The following ENO4 variants were observed in gnomAD, a reference collection of about 807,000 sequenced individuals.
ENO4 encodes the protein enolase 4.
ENO4 carries 53 observed loss-of-function variants against 63.2 expected under a neutral mutation model. The observed-to-expected ratio is 0.84, with a 90% CI of 0.67 to 1.05. The LOEUF (loss-of-function observed/expected upper bound fraction) is 1.05, where lower values mean the gene tolerates loss of function less well. ENO4 is among the 50% of genes least tolerant of loss of function. ENO4 has a pLI of 0.00. For missense variants in ENO4, 719 were observed against 772.0 expected, an observed-to-expected ratio of 0.93 and a Z score of 0.81; for synonymous variants, 266 against 283.8, an observed-to-expected ratio of 0.94 and a Z score of 0.63.
At chr10:116,873,959 A>G in intron 9 of ENO4, 117 bp from the exon 10 acceptor site, 1 of 1,339,110 alleles carries the variant, frequency 7.5e-7, no homozygotes, top group Non-Finnish European at 9.8e-7. Flanking sequence ...TGCCCTGAAA[A>G]GAACCTGTTT....
chr10:116,886,693 G>A (rs895547745), downstream of ENO4: 12 of 1,267,772 alleles, frequency 9.5e-6, no homozygotes, highest in East Asian at 2.8e-4. Flanking sequence ...GCATATAGTA[G>A]TCTTTGAGAT....
At chr10:116,894,455 G>C (rs1847443436) in intron 10 of ENO4, among the ~76,000 whole-genome samples, 1 of 152,180 alleles carries the variant, frequency 6.6e-6, no homozygotes, top group Non-Finnish European at 1.5e-5. Context: ...AAAAGAGCTT[G>C]ATAAAGCTTA....
chr10:116,869,959 G>T (rs1370235837), intron 8 of ENO4, among the ~76,000 whole-genome samples: 5 of 152,116 alleles, frequency 3.3e-5, no homozygotes, highest in Admixed American at 3.3e-4. Context: ...TATGTAATGT[G>T]CTTAGAACAG....
At chr10:116,908,268 C>T (rs1848051065) in intron 10 of ENO4, among the ~76,000 whole-genome samples, 1 of 152,102 alleles carries the variant, frequency 6.6e-6, no homozygotes, top group African/African-American at 2.4e-5. Context: ...TTAGAAGTAT[C>T]TCTTTTTATT....
Position 116,860,929 on chromosome 10 carries a change from T to C in ENO4, c.770T>C (p.Leu257Pro). 1.3e-6 allele frequency: 2 copies of C among 1,547,088 alleles called. No individual in the cohort carries two copies. The highest frequency in any genetic ancestry group is 1.7e-6 in the Non-Finnish European group (2 of 1,144,430). ...KACAMLLNKP[L>P]YLNIALLKHN... is the part of the protein sequence containing the mutation. ...TGTGCCATGCTGCTTAATAAACCTCTGTACTTAAATATCGCTCTACTGAAG... is the reference window on the plus strand; with the variant it reads ...TGTGCCATGCTGCTTAATAAACCTCCGTACTTAAATATCGCTCTACTGAAG... The change falls in exon 5 of 14, where the codon CTG becomes CCG. Residue 257 changes from leucine (L) to proline (P), a missense_variant. This residue lies in a region of ENO4 where 544 missense variants were observed against 583.6 expected (regional missense o/e 0.93). Coordinates refer to ENST00000341276, the MANE Select transcript of ENO4 (RefSeq NM_001242699.2).
In ENO4 at chr10:116,881,207, T is replaced by G. The variant is rs1358425510; in HGVS notation, c.1724-308T>G. On this transcript the variant is annotated intron_variant, in intron 13 of 13. Transcript: ENST00000341276. ...CAGTGGCTTGTATCATGCCTAATAC[T>G]GGCCTTTCCCCCAGTTTATCACCTT... Among the ~76,000 whole-genome samples the G allele has an allele frequency of 2.0e-5, 3 of 152,342 alleles. No individual in the cohort carries two copies. The East Asian group carries it at 5.8e-4, about 29-fold the overall frequency.
intron 7 of ENO4, among the ~76,000 whole-genome samples, chr10:116,864,054 T>C (rs1382455060): frequency 6.6e-6 from 1 of 152,026 alleles, no homozygotes; most frequent in Non-Finnish European, 1.5e-5. Flanking sequence ...AGTAAACAAG[T>C]GTAATATCAA....
chr10:116,852,215 T>C (rs1428893606), intron 1 of ENO4, among the ~76,000 whole-genome samples: 1 of 152,238 alleles, frequency 6.6e-6, no homozygotes, highest in East Asian at 1.9e-4. Flanking sequence ...GTAAGTTTCC[T>C]GAGGCCTCTG....
In ENO4 at chr10:116,903,483, C is replaced by T. The variant is rs560185209; in HGVS notation, c.1195-8016C>T. 1.4e-4 allele frequency among the ~76,000 whole-genome samples: 21 copies of T among 152,036 alleles called. 1 individual carries two copies. The South Asian group carries it at 4.4e-3, about 32-fold the overall frequency. On this transcript the variant is annotated intron_variant, in intron 10 of 10. Coordinates refer to the ENO4 transcript ENST00000369207. Reference sequence around the variant, plus strand: ...GAGGTTGCAGTGAGCCGAGATCACGCCACTGCACTCCAGCCTGGGCGACAA... The same window carrying T: ...GAGGTTGCAGTGAGCCGAGATCACGTCACTGCACTCCAGCCTGGGCGACAA...
At chr10:116,875,197 A>G (rs1327354911) in intron 10 of ENO4, among the ~76,000 whole-genome samples, 1 of 152,176 alleles carries the variant, frequency 6.6e-6, no homozygotes, top group Non-Finnish European at 1.5e-5. Context: ...TTGGAGGACG[A>G]TATAAATGCT....
chr10:116,880,586 TAA>T (rs1846977871), intron 13 of ENO4, among the ~76,000 whole-genome samples: 1 of 152,190 alleles, frequency 6.6e-6, no homozygotes, highest in Admixed American at 6.5e-5. Context: ...CAGTGGCATT[TAA>T]AGAGACCAAC....
chr10:116,855,817 C>G, intron 2 of ENO4, 66 bp downstream of exon 2: 3 of 1,425,304 alleles, frequency 2.1e-6, no homozygotes, highest in Middle Eastern at 1.8e-4. Context: ...CAACACTTGT[C>G]TAAGCTGTAG....
chr10:116,881,849 G>T lies in ENO4; in HGVS notation c.*180G>T. 1 of 474,754 alleles carries T rather than the reference G, an allele frequency of 2.1e-6. No individual in the cohort carries two copies. The highest frequency in any genetic ancestry group is 3.5e-6 in the Non-Finnish European group (1 of 288,240). 29.4% of individuals were successfully genotyped at this position (474,754 alleles called of 1,614,324 possible). A position where few individuals can be genotyped will look rare whatever the true frequency, so the allele number is the denominator to read the frequency against. Reference sequence around the variant, plus strand: ...ATATGATGTTTTTGCCTGAAATTCTGTGAACTTCGTTTTGCAGCCACCACA... The same window carrying T: ...ATATGATGTTTTTGCCTGAAATTCTTTGAACTTCGTTTTGCAGCCACCACA... On this transcript the variant is annotated 3_prime_UTR_variant, in exon 14 of 14. Coordinates refer to ENST00000341276, the MANE Select transcript of ENO4 (RefSeq NM_001242699.2).
intron 10 of ENO4, among the ~76,000 whole-genome samples, chr10:116,896,657 A>C (rs1002985865): frequency 1.3e-5 from 2 of 152,218 alleles, no homozygotes; most frequent in Admixed American, 1.3e-4. Flanking sequence ...TCATCTTTTG[A>C]TCAAAATGAA....
At chr10:116,886,307 A>G (rs1359249125), downstream of ENO4, 1 of 1,551,538 alleles carries the variant, frequency 6.4e-7, no homozygotes, top group African/African-American at 1.4e-5. Flanking sequence ...GCTTATTGAA[A>G]AGGACTTCCA....
chr10:116,857,409 G>A (rs987980847), intron 3 of ENO4, among the ~76,000 whole-genome samples: 1 of 152,184 alleles, frequency 6.6e-6, no homozygotes, highest in Middle Eastern at 3.4e-3. Flanking sequence ...TTGCCCATAG[G>A]TTGACTCAAA....
intron 10 of ENO4, among the ~76,000 whole-genome samples, chr10:116,905,290 A>T (rs1847926351): frequency 6.6e-6 from 1 of 152,092 alleles, no homozygotes. Context: ...TCAAGCACTG[A>T]TTAAGTCACA....
intron 10 of ENO4, among the ~76,000 whole-genome samples, chr10:116,896,535 C>A (rs1357274762): frequency 2.0e-5 from 3 of 152,112 alleles, no homozygotes; most frequent in African/African-American, 7.2e-5. Flanking sequence ...AAAATACATA[C>A]ATCTGCAATG....
intron 4 of ENO4, among the ~76,000 whole-genome samples, chr10:116,860,446 C>A (rs1681754): frequency 0.97 from 147,939 of 152,316 alleles, 71,976 homozygotes; most frequent in East Asian, 1. Flanking sequence ...TTTGAAATTT[C>A]AAGACAGTTC....
Sources: allele counts gnomAD v4.1 joint callset (sites outside exome capture counted in the v4.1 genomes callset), GRCh38; gene constraint gnomAD v4.1.1; regional missense constraint gnomAD v4.1.1; transcripts MANE v1.5; gene names NCBI Gene and HGNC (gene_info 2026-07-23, HGNC 2026-07-21).